Variants in AKAP7 observed in about 807,000 individuals in gnomAD.
The protein encoded by AKAP7 is A-kinase anchoring protein 7, also known as A kinase (PRKA) anchor protein 7.
A neutral mutation model predicts 39.5 loss-of-function variants in AKAP7; 39 were observed. The ratio of observed to expected loss-of-function variants is 0.99; its 90% CI spans 0.76 to 1.29. The LOEUF (loss-of-function observed/expected upper bound fraction) is 1.29, where lower values mean the gene tolerates loss of function less well. Ranked by LOEUF, AKAP7 falls within the 50% of genes most tolerant of loss-of-function variation. The probability of loss-of-function intolerance (pLI) is 0.00; values close to 1 mark genes in which losing one functional copy is unlikely to be tolerated. For synonymous variants in AKAP7, 140 were observed against 139.1 expected (o/e 1.01, Z -0.05); for missense variants, 414 against 407.7 (o/e 1.02, Z -0.13).
intron 7 of AKAP7, among the ~76,000 whole-genome samples, chr6:131,222,343 G>A (rs943708085): frequency 3.3e-5 from 5 of 152,108 alleles, no homozygotes; most frequent in Admixed American, 1.3e-4. Context: ...GGCTAACACC[G>A]TGAAACCCTG....
At chr6:131,249,368 A>G (rs989949351) in intron 7 of AKAP7, among the ~76,000 whole-genome samples, 2 of 152,172 alleles carry the variant, frequency 1.3e-5, no homozygotes, top group Admixed American at 6.5e-5. Flanking sequence ...TGCGACAAAT[A>G]TAATTTGTAA....
upstream of AKAP7, among the ~76,000 whole-genome samples, chr6:131,135,155 T>C (rs1410590349): frequency 5.9e-5 from 9 of 152,242 alleles, no homozygotes; most frequent in South Asian, 4.1e-4. Context: ...AGAACCCTGA[T>C]TGCAAAACTA....
intron 2 of AKAP7, among the ~76,000 whole-genome samples, chr6:131,159,133 G>A (rs1012833745): frequency 3.3e-5 from 5 of 151,590 alleles, no homozygotes; most frequent in African/African-American, 7.3e-5. Context: ...TCCCTATGTC[G>A]CCCAGGCTGG....
intron 1 of AKAP7, among the ~76,000 whole-genome samples, chr6:131,137,118 A>T (rs1800618448): frequency 6.6e-6 from 1 of 151,194 alleles, no homozygotes; most frequent in Admixed American, 6.6e-5. Context: ...CTGTGCCAAC[A>T]TGCCTGACTA....
At chr6:131,242,923 A>G (rs1185149915) in intron 7 of AKAP7, among the ~76,000 whole-genome samples, 1 of 152,236 alleles carries the variant, frequency 6.6e-6, no homozygotes, top group East Asian at 1.9e-4. Context: ...ATCCTTCACA[A>G]GAAGGAAAGA....
chr6:131,262,758 A>AAAAT (rs1239651010), intron 7 of AKAP7, among the ~76,000 whole-genome samples: 1 of 152,224 alleles, frequency 6.6e-6, no homozygotes, highest in Non-Finnish European at 1.5e-5. Context: ...ACATTCTTTA[A>AAAAT]AAATAATTTC....
chr6:131,248,968 A>G lies in AKAP7; in HGVS notation c.850+29160A>G, dbSNP rs80078824. On this transcript the variant is annotated intron_variant, in intron 7 of 7. Transcript: ENST00000431975. ...TGGTTATAAAAGTGGAATTTTACTT[A>G]AAATTATAATGTTCATTGTATGATA... 7.3e-3 allele frequency among the ~76,000 whole-genome samples: 1,108 copies of G among 152,336 alleles called. 10 individuals carry two copies. Among genetic ancestry groups the G allele is most frequent in the African/African-American group, 0.026 (1,066 of 41,566 alleles).
intron 5 of AKAP7, among the ~76,000 whole-genome samples, chr6:131,186,070 G>A (rs943615053): frequency 2.0e-5 from 3 of 152,188 alleles, no homozygotes; most frequent in Admixed American, 6.5e-5. Context: ...TTTGTTGAAA[G>A]ACTGCTGATG....
rs771920068 is a variant in AKAP7 at position 131,159,247 on chromosome 6, G to C, written c.152-812G>C. Among the ~76,000 whole-genome samples the C allele has an allele frequency of 1.2e-4, 18 of 152,058 alleles. 1 individual carries two copies. The highest frequency in any genetic ancestry group is 5.2e-4 in the Admixed American group (8 of 15,274). ...GAGCTGGGACTACAGGTGCCCGCCA[G>C]CACACCCAGCTAATTTTTTATATTT... On this transcript the variant is annotated intron_variant, in intron 2 of 7. Coordinates refer to ENST00000431975, the MANE Select transcript of AKAP7 (RefSeq NM_016377.4).
chr6:131,143,247 C>T (rs547236980), intron 1 of AKAP7, among the ~76,000 whole-genome samples: 1 of 152,058 alleles, frequency 6.6e-6, no homozygotes, highest in South Asian at 2.1e-4. Flanking sequence ...TGTTTGTCTC[C>T]TCCAAATCCC....
intron 2 of AKAP7, among the ~76,000 whole-genome samples, chr6:131,159,336 G>A (rs1238239862): frequency 1.2e-4 from 18 of 151,444 alleles, no homozygotes; most frequent in East Asian, 9.9e-4. Flanking sequence ...CTCGTGATTC[G>A]CCCGCCTCGG....
At chr6:131,222,437 G>A (rs1193145278) in intron 7 of AKAP7, among the ~76,000 whole-genome samples, 1 of 152,122 alleles carries the variant, frequency 6.6e-6, no homozygotes, top group Non-Finnish European at 1.5e-5. Context: ...TGAGGCAGGA[G>A]AATGGTGTGA....
At position 131,165,144 on chromosome 6, in the gene AKAP7, G is replaced by A. The variant is rs1434429381; in HGVS notation, c.355G>A (p.Ala119Thr). ...ACAACAAGATGAGCGACTGGCCAAAGCAATGGTCAGTGATGGTTCCTTTCA... is the reference window on the plus strand; with the variant it reads ...ACAACAAGATGAGCGACTGGCCAAAACAATGGTCAGTGATGGTTCCTTTCA... ...IIQQDERLAK[A>T]MVSDGSFHIT... is the part of the protein sequence containing the mutation. The change falls in exon 4 of 8, where the codon GCA (alanine) becomes ACA (threonine). Residue 119 changes from alanine to threonine, a missense_variant. Transcript: ENST00000431975. 1.9e-6 allele frequency: 3 copies of A among 1,611,798 alleles called. No individual in the cohort carries two copies. Among genetic ancestry groups the A allele is most frequent in the African/African-American group, 2.7e-5 (2 of 74,850 alleles).
At chr6:131,150,295 C>G (rs923924428) in intron 2 of AKAP7, among the ~76,000 whole-genome samples, 1 of 152,048 alleles carries the variant, frequency 6.6e-6, no homozygotes, top group Admixed American at 6.6e-5. Context: ...CGTAATTTTG[C>G]TACTTATTAA....
chr6:131,250,493 T>G (rs1812358801), intron 7 of AKAP7: 2 of 1,607,382 alleles, frequency 1.2e-6, no homozygotes. Flanking sequence ...GCTCGCAGAC[T>G]GTGCTATAAA....
At chr6:131,257,449 T>G (rs1035713887) in intron 7 of AKAP7, among the ~76,000 whole-genome samples, 1 of 151,858 alleles carries the variant, frequency 6.6e-6, no homozygotes, top group East Asian at 1.9e-4. Context: ...AAAAAGGCAC[T>G]TGGAATGTCA....
At chr6:131,196,405 A>G (rs572271871) in intron 5 of AKAP7, among the ~76,000 whole-genome samples, 8 of 151,742 alleles carry the variant, frequency 5.3e-5, no homozygotes, top group African/African-American at 1.9e-4. Flanking sequence ...AGCTGGGATT[A>G]CAGGCACGCC....
At chr6:131,201,220 A>G (rs1228899191) in intron 6 of AKAP7, among the ~76,000 whole-genome samples, 1 of 152,134 alleles carries the variant, frequency 6.6e-6, no homozygotes, top group Non-Finnish European at 1.5e-5. Context: ...GGCCAGCTCC[A>G]GTTCACGCAG....
At chr6:131,128,325 TAA>T in the AKAP7 span, among the ~76,000 whole-genome samples, 3 of 151,920 alleles carry the variant, frequency 2.0e-5, no homozygotes, top group Non-Finnish European at 2.9e-5. Context: ...ATAAAAGAAA[TAA>T]GAGGTAAAAT....
Sources: allele counts gnomAD v4.1 joint callset (sites outside exome capture counted in the v4.1 genomes callset), GRCh38; gene constraint gnomAD v4.1.1; transcripts MANE v1.5; gene names NCBI Gene and HGNC (gene_info 2026-07-23, HGNC 2026-07-21).